The following BCO2 variants were observed in gnomAD, a reference collection of about 807,000 sequenced individuals.
BCO2 encodes beta-carotene oxygenase 2, also known as carotenoid-cleaving dioxygenase, mitochondrial.
BCO2 carries 56 observed loss-of-function variants against 65.8 expected under a neutral mutation model. The observed-to-expected ratio is 0.85, with a 90% CI of 0.69 to 1.06. The LOEUF (loss-of-function observed/expected upper bound fraction) is 1.06, where lower values mean the gene tolerates loss of function less well. Ranked by LOEUF, BCO2 falls within the 50% of genes least tolerant of loss-of-function variation. The pLI, the probability that BCO2 is intolerant of heterozygous loss-of-function variation, is 0.00. For synonymous variants in BCO2, 233 were observed against 242.3 expected, an observed-to-expected ratio of 0.96 and a Z score of 0.36; for missense variants, 675 against 698.5, an observed-to-expected ratio of 0.97 and a Z score of 0.38.
At chr11:112,214,682 T>C in intron 9 of BCO2, 80 bp from the exon 10 acceptor site, 1 of 1,171,932 alleles carries the variant, frequency 8.5e-7, no homozygotes, top group Non-Finnish European at 1.2e-6. Flanking sequence ...CTTTATAGGG[T>C]ATGAGGCTCC....
At chr11:112,209,909 CT>C (rs1859460220) in intron 8 of BCO2, among the ~76,000 whole-genome samples, 1 of 152,112 alleles carries the variant, frequency 6.6e-6, no homozygotes, top group Admixed American at 6.5e-5. Flanking sequence ...TAAAATTGCC[CT>C]TTAATTTTTT....
chr11:112,177,455 A>C (rs1293604317), intron 1 of BCO2, among the ~76,000 whole-genome samples: 2 of 152,170 alleles, frequency 1.3e-5, no homozygotes, highest in Non-Finnish European at 2.9e-5. Flanking sequence ...AATAAAACAC[A>C]GTGTCAGTGA....
chr11:112,201,612 A>G (rs1867736699), intron 7 of BCO2, among the ~76,000 whole-genome samples: 1 of 151,990 alleles, frequency 6.6e-6, no homozygotes, highest in South Asian at 2.1e-4. Flanking sequence ...GGATCTCATT[A>G]CAAAAAAAAA....
At position 112,189,067 on chromosome 11, in the gene BCO2, G is replaced by A. The variant is rs1005684472; in HGVS notation, c.294-4407G>A. 3.3e-5 allele frequency among the ~76,000 whole-genome samples: 5 copies of A among 152,292 alleles called. No homozygotes were observed. In the East Asian group the frequency reaches 9.6e-4, roughly 29 times the overall value. Reference sequence around the variant, plus strand: ...GAAAAGGCACAAACATACAAAGTATGAAATGACAATGGAGAAGAAATAATT... The same window carrying A: ...GAAAAGGCACAAACATACAAAGTATAAAATGACAATGGAGAAGAAATAATT... On this transcript the variant is annotated intron_variant, in intron 2 of 11. Coordinates refer to ENST00000357685, the MANE Select transcript of BCO2 (RefSeq NM_031938.7).
chr11:112,194,965 C>G (rs1867526969), intron 5 of BCO2, among the ~76,000 whole-genome samples: 1 of 152,030 alleles, frequency 6.6e-6, no homozygotes, highest in Admixed American at 6.6e-5. Flanking sequence ...AAACATCCTT[C>G]TAAGTAAAAT....
At chr11:112,186,577 T>G (rs1301085530) in intron 2 of BCO2, among the ~76,000 whole-genome samples, 2 of 152,242 alleles carry the variant, frequency 1.3e-5, no homozygotes, top group Non-Finnish European at 2.9e-5. Flanking sequence ...CTCTTATCAC[T>G]CTGTTAGATG....
At chr11:112,201,298 C>T (rs1867725074) in intron 7 of BCO2, among the ~76,000 whole-genome samples, 1 of 152,032 alleles carries the variant, frequency 6.6e-6, no homozygotes, top group Non-Finnish European at 1.5e-5. Context: ...CAGGTGTGTG[C>T]CACCACACCC....
chr11:112,186,188 A>G (rs1867195885), intron 2 of BCO2, among the ~76,000 whole-genome samples: 1 of 152,186 alleles, frequency 6.6e-6, no homozygotes, highest in Non-Finnish European at 1.5e-5. Context: ...TACAGAGGGT[A>G]TATGGTATTT....
chr11:112,200,912 G>A, intron 7 of BCO2, 139 bp downstream of exon 7: 2 of 861,888 alleles, frequency 2.3e-6, no homozygotes, highest in Non-Finnish European at 3.6e-6. Flanking sequence ...TCTTCTATAG[G>A]TTGAGCTAGC....
At chr11:112,193,764 T>C in intron 3 of BCO2, 67 bp downstream of exon 3, 7 of 1,558,560 alleles carry the variant, frequency 4.5e-6, no homozygotes, top group Non-Finnish European at 6.2e-6. Flanking sequence ...ATCTTGAAAA[T>C]AGATTTTTTT....
At chr11:112,215,967 A>G (rs1859665155) in intron 10 of BCO2, 1 of 408,586 alleles carries the variant, frequency 2.4e-6, no homozygotes, top group Non-Finnish European at 4.5e-6. Context: ...TCTCAGACGA[A>G]CTAATAGAGC....
intron 2 of BCO2, among the ~76,000 whole-genome samples, chr11:112,186,416 C>A (rs926263889): frequency 6.6e-6 from 1 of 152,156 alleles, no homozygotes; most frequent in Non-Finnish European, 1.5e-5. Flanking sequence ...CTTGCCTTCC[C>A]CTTGGACAGA....
At position 112,199,698 on chromosome 11, in the gene BCO2, G is replaced by C; in HGVS notation, c.737-1G>C. The C allele has an allele frequency of 6.2e-7, 1 of 1,612,740 alleles. No homozygotes were observed. Among genetic ancestry groups the C allele is most frequent in the Non-Finnish European group, 8.5e-7 (1 of 1,179,274 alleles). On this transcript the variant is annotated splice_acceptor_variant, in intron 5 of 11. Transcript: ENST00000357685. LOFTEE classifies it high-confidence loss of function. ...GTAAGATAGGACTTTTCATTTTTCAGGTTTCTCCTATAAGGTTATTCGGGT... is the reference window on the plus strand; with the variant it reads ...GTAAGATAGGACTTTTCATTTTTCACGTTTCTCCTATAAGGTTATTCGGGT...
Position 112,193,577 on chromosome 11 carries a change from G to T in BCO2, c.397G>T (p.Ala133Ser), listed in dbSNP as rs372357598. 1.2e-6 allele frequency: 2 copies of T among 1,614,094 alleles called. No individual in the cohort carries two copies. Among genetic ancestry groups the T allele is most frequent in the Non-Finnish European group, 1.7e-6 (2 of 1,179,998 alleles). The change falls in exon 3 of 12, where the codon GCC (alanine) becomes TCC (serine). Residue 133 changes from alanine (A) to serine (S), a missense_variant. Physicochemically the swap from Ala to Ser is moderately conservative, Grantham distance 99. Transcript: ENST00000357685. ...SKFLQSDTYK[A>S]NSAKNRIVIS... Reference sequence around the variant, plus strand: ...GTTTCTACAGAGTGATACATATAAGGCCAACAGTGCTAAAAACCGAATTGT... The same window carrying T: ...GTTTCTACAGAGTGATACATATAAGTCCAACAGTGCTAAAAACCGAATTGT...
chr11:112,187,181 A>T (rs192776369), intron 2 of BCO2, among the ~76,000 whole-genome samples: 54 of 152,116 alleles, frequency 3.5e-4, no homozygotes, highest in African/African-American at 1.0e-3. Flanking sequence ...CTTCCTGTCC[A>T]CTACCTTCTT....
rs776070210 is a variant in BCO2 at position 112,200,662 on chromosome 11, C to T, written c.915C>T (p.Asn305=). ...IIFIEQPLKM[N]LWKIATSKIR... ...TCATTGAACAACCTCTAAAGATGAA[C>T]CTGTGGAAAATTGCCACTTCTAAAA... Residue 305 remains asparagine, a synonymous_variant, in exon 7 of 12, where the codon AAC becomes AAT. Transcript: ENST00000357685. 1 of 1,613,572 alleles carries T rather than the reference C, an allele frequency of 6.2e-7. No individual in the cohort carries two copies.
intron 2 of BCO2, chr11:112,181,143 G>A: frequency 2.3e-6 from 3 of 1,322,944 alleles, no homozygotes; most frequent in Non-Finnish European, 2.2e-6. Context: ...AAGGACAAAG[G>A]TGTCTGGGGA....
At position 112,214,748 on chromosome 11, in the gene BCO2, G is replaced by A; in HGVS notation, c.1333-14G>A. 2 of 1,607,142 alleles carry A rather than the reference G, an allele frequency of 1.2e-6. No individual in the cohort carries two copies. Among genetic ancestry groups the A allele is most frequent in the Non-Finnish European group, 1.7e-6 (2 of 1,174,858 alleles). On this transcript the variant is annotated splice_polypyrimidine_tract_variant and intron_variant, in intron 9 of 11. Transcript: ENST00000357685. ...TTAAGCAACCACTACAAATCCTTTT[G>A]AAATCTCTTTTAGATCTGGTGCTCT...
intron 8 of BCO2, among the ~76,000 whole-genome samples, chr11:112,202,991 A>C (rs1320811885): frequency 6.6e-6 from 1 of 150,588 alleles, no homozygotes; most frequent in Non-Finnish European, 1.5e-5. Context: ...TGGAGGTTGC[A>C]GTGAACCAAG....
Sources: allele counts gnomAD v4.1 joint callset (sites outside exome capture counted in the v4.1 genomes callset), GRCh38; gene constraint gnomAD v4.1.1; transcripts MANE v1.5; gene names NCBI Gene and HGNC (gene_info 2026-07-23, HGNC 2026-07-21).